SOX5: variants seen among roughly 807,000 people sequenced by gnomAD.
SOX5 encodes the protein SRY-box transcription factor 5.
In SOX5, 9 loss-of-function variants were observed where a neutral mutation model predicts 92.0. The observed-to-expected ratio is 0.10, with a 90% CI of 0.06 to 0.17. SOX5 has a LOEUF of 0.17. SOX5 is among the 10% of genes least tolerant of loss of function. SOX5 has a pLI of 1.00. For missense variants in SOX5, 642 were observed against 944.5 expected (o/e 0.68, Z 4.20); for synonymous variants, 344 against 336.3 (o/e 1.02, Z -0.25).
intron 1 of SOX5, among the ~76,000 whole-genome samples, chr12:24,509,132 G>C (rs1167859851): frequency 6.6e-6 from 1 of 152,190 alleles, no homozygotes; most frequent in Non-Finnish European, 1.5e-5. Flanking sequence ...GTGTGACCAT[G>C]AGCATGTCAT....
At chr12:24,307,132 C>A (rs1047503489) in intron 2 of SOX5, among the ~76,000 whole-genome samples, 2 of 152,018 alleles carry the variant, frequency 1.3e-5, no homozygotes, top group Non-Finnish European at 2.9e-5. Flanking sequence ...AAGCTTGGAA[C>A]AGGAGAACTT....
intron 4 of SOX5, among the ~76,000 whole-genome samples, chr12:24,056,684 C>CA (rs1430698435): frequency 6.6e-6 from 1 of 151,988 alleles, no homozygotes; most frequent in East Asian, 1.9e-4. Flanking sequence ...GATATTATAT[C>CA]AAAAATTCAG....
At chr12:23,645,945 G>A (rs10842204) in intron 7 of SOX5, among the ~76,000 whole-genome samples, 133,682 of 152,172 alleles carry the variant, frequency 0.88, 58,976 homozygotes, top group African/African-American at 0.93. Flanking sequence ...CATATAAGTC[G>A]TGTTTAGACA....
chr12:23,935,463 G>T (rs1288677206), intron 1 of SOX5, among the ~76,000 whole-genome samples: 1 of 151,210 alleles, frequency 6.6e-6, no homozygotes, highest in Non-Finnish European at 1.5e-5. Context: ...AATACTGCCT[G>T]TCTGTAAAGA....
chr12:24,252,689 TAA>T (rs542347992), intron 3 of SOX5, among the ~76,000 whole-genome samples: 75 of 136,718 alleles, frequency 5.5e-4, no homozygotes, highest in African/African-American at 6.9e-4. Context: ...GTCTATGCTT[TAA>T]AAAAAAAAAA....
intron 4 of SOX5, among the ~76,000 whole-genome samples, chr12:24,207,596 G>A (rs1958150794): frequency 6.6e-6 from 1 of 152,158 alleles, no homozygotes; most frequent in African/African-American, 2.4e-5. Flanking sequence ...GGAGGGCCCT[G>A]GGCAGATATT....
intron 4 of SOX5, among the ~76,000 whole-genome samples, chr12:24,105,361 T>C (rs1380741535): frequency 6.6e-6 from 1 of 152,026 alleles, no homozygotes; most frequent in Non-Finnish European, 1.5e-5. Flanking sequence ...GCCAACATGG[T>C]GAAACCCTGT....
chr12:23,854,123 T>C (rs1345569661), intron 2 of SOX5, among the ~76,000 whole-genome samples: 2 of 152,138 alleles, frequency 1.3e-5, no homozygotes. Context: ...ATCTGTATTC[T>C]GTACCAAAAT....
chr12:23,593,078 CAA>C (rs71933533), intron 9 of SOX5, among the ~76,000 whole-genome samples: 12 of 84,674 alleles, frequency 1.4e-4, no homozygotes, highest in Non-Finnish European at 3.0e-4. Context: ...GACCCTGTCT[CAA>C]AAATAAATAA....
Position 23,884,039 on chromosome 12 carries a change from G to A in SOX5, c.270+11754C>T, listed in dbSNP as rs75480749. ...TTTATAAGCATTGAAGCCAGCTGAC[G>A]TTTCATACAACATACTCCTAGATCA... is the stretch of plus-strand genomic sequence containing the variant. On this transcript the variant is annotated intron_variant, in intron 2 of 14. Transcript: ENST00000451604. 5.3e-3 allele frequency among the ~76,000 whole-genome samples: 806 copies of A among 152,026 alleles called. 5 individuals carry two copies. Among genetic ancestry groups the A allele is most frequent in the Non-Finnish European group, 8.6e-3 (584 of 67,978 alleles).
chr12:24,008,268 G>T (rs1048375643), intron 4 of SOX5, among the ~76,000 whole-genome samples: 1 of 152,008 alleles, frequency 6.6e-6, no homozygotes, highest in Non-Finnish European at 1.5e-5. Context: ...TAATATAAAG[G>T]ACACATAGTA....
chr12:24,017,619 A>C (rs548513731), intron 4 of SOX5, among the ~76,000 whole-genome samples: 227 of 151,782 alleles, frequency 1.5e-3, no homozygotes, highest in Non-Finnish European at 2.5e-3. Context: ...AATAAAATAA[A>C]ATAACATAAA....
chr12:24,428,726 C>CAATAAAAAAAAAAA (rs1967018906), intron 1 of SOX5, among the ~76,000 whole-genome samples: 1 of 32,590 alleles, frequency 3.1e-5, no homozygotes, highest in Non-Finnish European at 5.1e-5. Context: ...CTCTGTTTCT[C>CAATAAAAAAAAAAA]AAAAAAAAAA....
chr12:23,789,700 C>A (rs900330785), intron 3 of SOX5, among the ~76,000 whole-genome samples: 1 of 151,966 alleles, frequency 6.6e-6, no homozygotes, highest in African/African-American at 2.4e-5. Flanking sequence ...AATATGCCAA[C>A]CTCAATTTCA....
intron 4 of SOX5, among the ~76,000 whole-genome samples, chr12:24,022,409 C>T (rs1010438881): frequency 7.9e-5 from 12 of 151,974 alleles, no homozygotes; most frequent in Admixed American, 6.6e-4. Context: ...AGAGGTAGGA[C>T]CCTAGAACAA....
At chr12:24,196,083 C>T (rs546375759) in intron 4 of SOX5, among the ~76,000 whole-genome samples, 1 of 152,254 alleles carries the variant, frequency 6.6e-6, no homozygotes, top group East Asian at 1.9e-4. Flanking sequence ...TGGGGTTTTG[C>T]CATGTTGGAC....
At chr12:23,939,064 G>T (rs895568623) in intron 1 of SOX5, among the ~76,000 whole-genome samples, 6 of 150,830 alleles carry the variant, frequency 4.0e-5, no homozygotes, top group Non-Finnish European at 8.9e-5. Context: ...ATAAGCTTAA[G>T]CTGGCTCATT....
chr12:23,828,639 C>CAT (rs1477523026), intron 3 of SOX5, among the ~76,000 whole-genome samples: 10 of 151,542 alleles, frequency 6.6e-5, no homozygotes, highest in Non-Finnish European at 1.5e-4. Flanking sequence ...GAAGTGAACT[C>CAT]ATATATATGC....
intron 2 of SOX5, among the ~76,000 whole-genome samples, chr12:24,361,012 A>G (rs1176353151): frequency 6.6e-6 from 1 of 152,140 alleles, no homozygotes. Context: ...CACACTAAAC[A>G]TCTATGGTTC....
Sources: allele counts gnomAD v4.1 joint callset (sites outside exome capture counted in the v4.1 genomes callset), GRCh38; gene constraint gnomAD v4.1.1; transcripts MANE v1.5; gene names NCBI Gene and HGNC (gene_info 2026-07-23, HGNC 2026-07-21).